Variants in CLPB observed in about 807,000 individuals in gnomAD.
CLPB encodes the protein mitochondrial disaggregase.
Under a neutral mutation model 78.4 loss-of-function variants are expected in CLPB, and 40 were observed. The observed-to-expected ratio is 0.51, with a 90% CI of 0.40 to 0.66. The LOEUF (loss-of-function observed/expected upper bound fraction) is 0.66, where lower values mean the gene tolerates loss of function less well. Ranked by LOEUF, CLPB falls within the 30% of genes least tolerant of loss-of-function variation. CLPB has a pLI of 0.00. For synonymous variants in CLPB, 333 were observed against 348.0 expected (o/e 0.96, Z 0.48); for missense variants, 780 against 886.9 (o/e 0.88, Z 1.53).
chr11:72,315,016 G>A (rs1353177541), intron 7 of CLPB, among the ~76,000 whole-genome samples: 1 of 152,158 alleles, frequency 6.6e-6, no homozygotes, highest in East Asian at 1.9e-4. Flanking sequence ...AAGGAAGGGA[G>A]GCAGGGACAC....
intron 9 of CLPB, among the ~76,000 whole-genome samples, chr11:72,303,558 G>A (rs1949696823): frequency 6.6e-6 from 1 of 152,174 alleles, no homozygotes; most frequent in Admixed American, 6.5e-5. Flanking sequence ...TGTTACAGAA[G>A]GCTCTTGGCT....
At chr11:72,410,515 T>C (rs1378465983) in intron 2 of CLPB, among the ~76,000 whole-genome samples, 1 of 152,252 alleles carries the variant, frequency 6.6e-6, no homozygotes, top group African/African-American at 2.4e-5. Context: ...GAAGAGCTTA[T>C]ACTATTCTTA....
rs1246022940 is a variant in CLPB at position 72,430,363 on chromosome 11, T to A, written c.404A>T (p.Asp135Val). ...ACGGGCAGCTTCCAACAGGGCTGCA[T>A]CTGAAGAGAAAGGGGGCACTGGTCA... ...HCYSKSPSNK[D>V]AALLEAARAN... The change falls in exon 2 of 16, where the codon GAT becomes GTT. Residue 135 changes from aspartate (D) to valine (V), a missense_variant and splice_region_variant. Transcript: ENST00000538039. 3.7e-6 allele frequency: 6 copies of A among 1,612,994 alleles called. No homozygotes were observed. The South Asian group carries it at 6.6e-5, about 18-fold the overall frequency.
At chr11:72,336,880 A>T (rs886172973) in intron 5 of CLPB, 1 of 389,374 alleles carries the variant, frequency 2.6e-6, no homozygotes, top group African/African-American at 2.1e-5. Context: ...GCTCAGCTCC[A>T]CTCTGTCCCC....
chr11:72,343,707 A>G (rs1950461162), intron 5 of CLPB, among the ~76,000 whole-genome samples: 1 of 152,168 alleles, frequency 6.6e-6, no homozygotes, highest in African/African-American at 2.4e-5. Flanking sequence ...ATTTTTTTCA[A>G]GATGCTTTTC....
At chr11:72,295,705 T>C in intron 11 of CLPB, 57 bp from the exon 12 acceptor site, 2 of 1,571,876 alleles carry the variant, frequency 1.3e-6, no homozygotes, top group Non-Finnish European at 1.7e-6. Context: ...GGGCAGGCCT[T>C]AGCACTCTCA....
intron 2 of CLPB, chr11:72,408,171 T>C (rs1855765717): frequency 6.5e-7 from 1 of 1,535,646 alleles, no homozygotes; most frequent in Non-Finnish European, 8.7e-7. Context: ...GCCCAGCTTC[T>C]TGACTGAGCA....
chr11:72,395,140 GTTC>G (rs1258263410), intron 3 of CLPB, among the ~76,000 whole-genome samples: 2 of 152,136 alleles, frequency 1.3e-5, no homozygotes, highest in Non-Finnish European at 2.9e-5. Flanking sequence ...CACTCTATGT[GTTC>G]TTCTCTGTGG....
chr11:72,380,292 T>G lies in CLPB; in HGVS notation c.635A>C (p.His212Pro), dbSNP rs750663714. 2 of 1,612,996 alleles carry G rather than the reference T, an allele frequency of 1.2e-6. No homozygotes were observed. The highest frequency in any genetic ancestry group is 2.7e-5 in the African/African-American group (2 of 74,902). Residue 212 changes from histidine to proline, a missense_variant, in exon 4 of 16, where the codon CAT becomes CCT. Physicochemically the swap from His to Pro is moderately conservative, Grantham distance 77 (BLOSUM62 -2). Transcript: ENST00000538039. The stretch of plus-strand genomic sequence containing the variant: ...CAGCCCACACTTACCTTCCAAAGAA[T>G]GGATTCCCTGTTCCTTGGCAGTCTT... The part of the protein sequence containing the change: ...VYKTAKEQGI[H>P]SLEVLITRED...
intron 3 of CLPB, among the ~76,000 whole-genome samples, chr11:72,387,401 T>C (rs538141377): frequency 6.6e-6 from 1 of 152,196 alleles, no homozygotes; most frequent in Non-Finnish European, 1.5e-5. Flanking sequence ...ATTATTACTA[T>C]GTACCTGACC....
intron 2 of CLPB, among the ~76,000 whole-genome samples, chr11:72,409,349 C>T (rs1274737590): frequency 2.7e-5 from 4 of 150,910 alleles, no homozygotes; most frequent in East Asian, 2.0e-4. Flanking sequence ...TTTGAGAGGC[C>T]GAGGTGAACA....
intron 10 of CLPB, 169 bp downstream of exon 10, chr11:72,302,135 T>C: frequency 1.0e-6 from 1 of 962,398 alleles, no homozygotes; most frequent in South Asian, 1.6e-5. Flanking sequence ...TGTTTATTCT[T>C]CAGAGCAAAT....
chr11:72,347,997 T>C (rs1191607025), intron 5 of CLPB, among the ~76,000 whole-genome samples: 1 of 152,146 alleles, frequency 6.6e-6, no homozygotes, highest in South Asian at 2.1e-4. Flanking sequence ...CAGGAAAGAT[T>C]CTCTCCTGGA....
intron 3 of CLPB, among the ~76,000 whole-genome samples, chr11:72,400,506 A>G (rs1387593678): frequency 1.3e-5 from 2 of 152,234 alleles, no homozygotes; most frequent in African/African-American, 4.8e-5. Context: ...CCATCTGATC[A>G]CTAATTGACA....
At position 72,301,930 on chromosome 11, in the gene CLPB, A is replaced by G. The variant is rs138691107; in HGVS notation, c.1202T>C (p.Val401Ala). 5 of 1,614,200 alleles carry G rather than the reference A, an allele frequency of 3.1e-6. No individual in the cohort carries two copies. Among genetic ancestry groups the G allele is most frequent in the African/African-American group, 1.3e-5 (1 of 75,044 alleles). ...CAGCTGGCCACCCTCCTCATGGCCAACGTAGCCTGGTGGAGACCCAATAAA... is the reference window on the plus strand; with the variant it reads ...CAGCTGGCCACCCTCCTCATGGCCAGCGTAGCCTGGTGGAGACCCAATAAA... ...AKFIGSPPGY[V>A]GHEEGGQLTK... Residue 401 changes from valine to alanine, a missense_variant, in exon 11 of 16, where the codon GTT becomes GCT. Transcript: ENST00000538039.
intron 3 of CLPB, among the ~76,000 whole-genome samples, chr11:72,385,047 A>G (rs989021938): frequency 2.0e-5 from 3 of 152,254 alleles, no homozygotes; most frequent in African/African-American, 4.8e-5. Context: ...CTAAATGGAT[A>G]TAACAGACCT....
chr11:72,294,303 C>A (rs149474855), intron 14 of CLPB, 22 bp downstream of exon 14: 1 of 1,614,084 alleles, frequency 6.2e-7, no homozygotes, highest in Non-Finnish European at 8.5e-7. Flanking sequence ...CCCGCCCCCA[C>A]CCATGGGCAG....
chr11:72,434,490 G>C lies in CLPB; in HGVS notation c.-16C>G. On this transcript the variant is annotated 5_prime_UTR_variant, in exon 1 of 16. In the 5' UTR this introduces an upstream ATG that the reference lacks. Coordinates refer to ENST00000538039, the MANE Select transcript of CLPB (RefSeq NM_001258392.3). The stretch of plus-strand genomic sequence containing the variant: ...ACCCCAGCATCTTGACAGCTGCTTC[G>C]ATAACCCCGTGGTGCCGGCCCCTGT... 3 of 1,524,182 alleles carry C rather than the reference G, an allele frequency of 2.0e-6. No individual in the cohort carries two copies. The highest frequency in any genetic ancestry group is 1.3e-5 in the South Asian group (1 of 77,470). 94.4% of individuals were successfully genotyped at this position (1,524,182 alleles called of 1,614,324 possible).
At chr11:72,315,944 C>G (rs1204232266) in intron 7 of CLPB, among the ~76,000 whole-genome samples, 1 of 152,114 alleles carries the variant, frequency 6.6e-6, no homozygotes, top group Non-Finnish European at 1.5e-5. Context: ...GCTGGGCTGG[C>G]AGTTGCAACC....
Sources: allele counts gnomAD v4.1 joint callset (sites outside exome capture counted in the v4.1 genomes callset), GRCh38; gene constraint gnomAD v4.1.1; transcripts MANE v1.5; gene names NCBI Gene and HGNC (gene_info 2026-07-23, HGNC 2026-07-21).